PDE5A: variants seen among roughly 807,000 people sequenced by gnomAD.
PDE5A encodes phosphodiesterase 5A.
A neutral mutation model predicts 110.2 loss-of-function variants in PDE5A; 67 were observed. The ratio of observed to expected loss-of-function variants is 0.61; its 90% CI spans 0.50 to 0.75. PDE5A has a LOEUF of 0.75. Ranked by LOEUF, PDE5A falls within the 30% of genes least tolerant of loss-of-function variation. The pLI is 0.00. For missense variants in PDE5A, 862 were observed against 1,045.1 expected, an observed-to-expected ratio of 0.82 and a Z score of 2.42; for synonymous variants, 328 against 351.2, an observed-to-expected ratio of 0.93 and a Z score of 0.74.
chr4:119,509,767 A>G (rs536976609), intron 15 of PDE5A, among the ~76,000 whole-genome samples: 24 of 152,204 alleles, frequency 1.6e-4, no homozygotes, highest in Non-Finnish European at 2.9e-4. Context: ...AACAGGCTAT[A>G]TAACTCTTAA....
intron 14 of PDE5A, among the ~76,000 whole-genome samples, chr4:119,516,102 T>C (rs945435762): frequency 2.0e-5 from 3 of 152,234 alleles, no homozygotes; most frequent in Non-Finnish European, 4.4e-5. Flanking sequence ...ATATTTATCC[T>C]TTCTCCTTTC....
chr4:119,576,607 A>G lies in PDE5A; in HGVS notation c.832-9463T>C, dbSNP rs569760726. On this transcript the variant is annotated intron_variant, in intron 3 of 20. Transcript: ENST00000354960. ...TGACTACTGAGTACATAACGAAATGAAGGCAGAAATAAAGATGTTCTTTGA... is the reference window on the plus strand; with the variant it reads ...TGACTACTGAGTACATAACGAAATGGAGGCAGAAATAAAGATGTTCTTTGA... Among the ~76,000 whole-genome samples, 21 of 152,346 alleles carry G rather than the reference A, an allele frequency of 1.4e-4. 1 individual carries two copies. The South Asian group carries it at 4.4e-3, about 32-fold the overall frequency.
At chr4:119,618,933 C>T (rs1730041731) in intron 1 of PDE5A, among the ~76,000 whole-genome samples, 2 of 152,084 alleles carry the variant, frequency 1.3e-5, no homozygotes, top group South Asian at 2.1e-4. Context: ...TATAGCAAGT[C>T]CATTGAGCAG....
rs746940873 is a variant in PDE5A at position 119,607,332 on chromosome 4, T to G, written c.153-35A>C. ...AGAACGTGCAGACACATTAGATACT[T>G]GAAGAGGAAGGGTGCTATGCCTGAG... On this transcript the variant is annotated intron_variant, in intron 1 of 20. Transcript: ENST00000354960. 2.8e-6 allele frequency: 4 copies of G among 1,407,412 alleles called. No homozygotes were observed. The South Asian group carries it at 4.8e-5, about 17-fold the overall frequency. The allele number at this position is 1,407,412 out of a possible 1,614,324, so 87.2% of individuals were successfully genotyped here.
intron 3 of PDE5A, among the ~76,000 whole-genome samples, chr4:119,568,097 C>T (rs1204398630): frequency 6.6e-6 from 1 of 151,710 alleles, no homozygotes; most frequent in African/African-American, 2.4e-5. Flanking sequence ...ACCTTCTTGT[C>T]TTATGTAGTT....
chr4:119,550,213 A>G (rs887302975), intron 9 of PDE5A: 4 of 152,196 alleles, frequency 2.6e-5, no homozygotes, highest in Admixed American at 2.6e-4. Flanking sequence ...AAACCCGACT[A>G]AAGAAATCAT....
chr4:119,535,591 C>T (rs533555880), intron 11 of PDE5A, among the ~76,000 whole-genome samples: 31 of 152,116 alleles, frequency 2.0e-4, no homozygotes, highest in Middle Eastern at 3.4e-3. Flanking sequence ...TTATTATCTC[C>T]GCAACTTGCA....
At chr4:119,608,067 A>T (rs1729604676) in intron 1 of PDE5A, among the ~76,000 whole-genome samples, 1 of 152,222 alleles carries the variant, frequency 6.6e-6, no homozygotes, top group South Asian at 2.1e-4. Context: ...TTATATCTAT[A>T]TTGCAAAAGT....
chr4:119,587,574 C>T (rs1483067297), intron 3 of PDE5A, among the ~76,000 whole-genome samples: 1 of 152,010 alleles, frequency 6.6e-6, no homozygotes, highest in African/African-American at 2.4e-5. Flanking sequence ...TTAGTAGAGA[C>T]GGGGTTTCAC....
chr4:119,612,205 TG>T (rs1729778973), intron 1 of PDE5A, among the ~76,000 whole-genome samples: 1 of 152,188 alleles, frequency 6.6e-6, no homozygotes, highest in African/African-American at 2.4e-5. Flanking sequence ...TGATGTAGTT[TG>T]GATGTCCCCT....
chr4:119,599,655 CA>C (rs1729269938), intron 2 of PDE5A, among the ~76,000 whole-genome samples: 1 of 150,124 alleles, frequency 6.7e-6, no homozygotes, highest in Admixed American at 6.6e-5. Flanking sequence ...AAAGAGAAAA[CA>C]AACCATAAAA....
intron 6 of PDE5A, among the ~76,000 whole-genome samples, chr4:119,562,617 C>T (rs1253980719): frequency 6.6e-6 from 1 of 152,044 alleles, no homozygotes; most frequent in Non-Finnish European, 1.5e-5. Flanking sequence ...GGGACATGAA[C>T]AGAGGTAAAA....
intron 9 of PDE5A, among the ~76,000 whole-genome samples, chr4:119,547,889 T>C (rs777837175): frequency 3.9e-5 from 6 of 152,100 alleles, no homozygotes; most frequent in Non-Finnish European, 5.9e-5. Flanking sequence ...GAATAATTTA[T>C]ATTTTTAAAT....
chr4:119,618,454 C>T (rs1730018872), intron 1 of PDE5A, among the ~76,000 whole-genome samples: 1 of 151,962 alleles, frequency 6.6e-6, no homozygotes, highest in Non-Finnish European at 1.5e-5. Context: ...GGGCTGTTTT[C>T]ATGTATTTTT....
intron 14 of PDE5A, chr4:119,512,488 T>C (rs1393715960): frequency 6.6e-6 from 1 of 152,106 alleles, no homozygotes; most frequent in Non-Finnish European, 1.5e-5. Flanking sequence ...CTATGGGAGT[T>C]AGTTAGGAGA....
intron 3 of PDE5A, among the ~76,000 whole-genome samples, chr4:119,587,363 C>T (rs1029539635): frequency 1.2e-4 from 18 of 147,528 alleles, no homozygotes; most frequent in Admixed American, 7.0e-4. Context: ...CCACCACACC[C>T]GGCTAATTTT....
At chr4:119,561,073 A>G (rs1727731111) in intron 6 of PDE5A, among the ~76,000 whole-genome samples, 1 of 152,242 alleles carries the variant, frequency 6.6e-6, no homozygotes, top group Non-Finnish European at 1.5e-5. Context: ...GTGAGCTGCG[A>G]TGGTGAGATC....
intron 1 of PDE5A, among the ~76,000 whole-genome samples, chr4:119,610,131 A>G (rs745705221): frequency 1.3e-5 from 2 of 152,212 alleles, no homozygotes; most frequent in Non-Finnish European, 2.9e-5. Context: ...GTGACTTAGG[A>G]CAAAATTTCC....
chr4:119,500,375 G>A (rs1408576444), intron 20 of PDE5A: 1 of 151,202 alleles, frequency 6.6e-6, no homozygotes, highest in Non-Finnish European at 1.5e-5. Flanking sequence ...GAGTAGGAGT[G>A]AGAACTGGAC....
Sources: gnomAD v4.1 joint callset for allele counts (sites outside exome capture counted in the v4.1 genomes callset) on GRCh38, gnomAD v4.1.1 for gene constraint, MANE v1.5 for transcripts, NCBI Gene and HGNC (gene_info 2026-07-23, HGNC 2026-07-21) for gene names.